Variants in CSMD1 observed in about 807,000 individuals in gnomAD.
The protein encoded by CSMD1 is CUB and sushi domain-containing protein 1.
A neutral mutation model predicts 417.5 loss-of-function variants in CSMD1; 213 were observed. That is an observed-to-expected ratio of 0.51 (90% CI 0.46 to 0.57). The LOEUF is 0.57. CSMD1 is among the 20% of genes least tolerant of loss of function. The probability of loss-of-function intolerance (pLI) is 0.00; values close to 1 mark genes in which losing one functional copy is unlikely to be tolerated. For missense variants in CSMD1, 6,923 were observed against 4,529.7 expected (o/e 1.53, Z -15.17); for synonymous variants, 2,862 against 1,736.8 (o/e 1.65, Z -16.11).
chr8:3,691,242 C>T (rs2129032822), intron 7 of CSMD1, among the ~76,000 whole-genome samples: 1 of 152,132 alleles, frequency 6.6e-6, no homozygotes, highest in South Asian at 2.1e-4. Flanking sequence ...GTAACAGGCA[C>T]CTGTAATCCC....
chr8:3,267,585 G>A (rs533089084), intron 26 of CSMD1, among the ~76,000 whole-genome samples: 4 of 152,318 alleles, frequency 2.6e-5, no homozygotes, highest in African/African-American at 7.2e-5. Context: ...ACACTGGTAA[G>A]AGACTTTGAG....
intron 1 of CSMD1, among the ~76,000 whole-genome samples, chr8:4,709,378 C>A (rs1808148343): frequency 6.6e-6 from 1 of 152,080 alleles, no homozygotes; most frequent in Admixed American, 6.5e-5. Context: ...TTGTGTGCAG[C>A]AATTTGGAGC....
At chr8:4,115,969 TTTATTTATTTATTTATTTA>T (rs1240885856) in intron 3 of CSMD1, among the ~76,000 whole-genome samples, 1 of 626 alleles carries the variant, frequency 1.6e-3, no homozygotes, top group Admixed American at 0.015. Flanking sequence ...CATTATTTTA[TTTATTTATTTATTTATTTA>T]TTTATTTATT....
intron 33 of CSMD1, among the ~76,000 whole-genome samples, chr8:3,197,510 G>C (rs1796766553): frequency 6.9e-6 from 1 of 145,136 alleles, no homozygotes; most frequent in Non-Finnish European, 1.5e-5. Flanking sequence ...CTGTCACCCA[G>C]GCTGGAGTGC....
chr8:4,165,788 G>C (rs1246937101), intron 3 of CSMD1, among the ~76,000 whole-genome samples: 4 of 152,188 alleles, frequency 2.6e-5, no homozygotes, highest in Non-Finnish European at 1.5e-5. Context: ...CTCACGTGTT[G>C]TCACTCCAGC....
chr8:4,160,909 T>C (rs1041775132), intron 3 of CSMD1, among the ~76,000 whole-genome samples: 65 of 152,188 alleles, frequency 4.3e-4, no homozygotes, highest in African/African-American at 1.5e-3. Flanking sequence ...GCTGAACAAG[T>C]GGTTTAATAT....
chr8:3,452,635 G>A (rs1815816195), intron 12 of CSMD1, among the ~76,000 whole-genome samples: 1 of 152,168 alleles, frequency 6.6e-6, no homozygotes, highest in Non-Finnish European at 1.5e-5. Flanking sequence ...ATTTGGGTAT[G>A]TTGAATCAGC....
chr8:3,676,558 C>G (rs79702589), intron 7 of CSMD1, among the ~76,000 whole-genome samples: 2 of 152,156 alleles, frequency 1.3e-5, no homozygotes, highest in African/African-American at 4.8e-5. Context: ...CACATGTTCT[C>G]CCTTACCATT....
intron 10 of CSMD1, among the ~76,000 whole-genome samples, chr8:3,574,279 C>A (rs148570541): frequency 1.3e-5 from 2 of 152,192 alleles, no homozygotes; most frequent in Non-Finnish European, 2.9e-5. Context: ...CTTGCTCTGT[C>A]GCCCAGGCTG....
intron 1 of CSMD1, among the ~76,000 whole-genome samples, chr8:4,725,687 G>C (rs370185879): frequency 2.6e-5 from 4 of 152,178 alleles, no homozygotes; most frequent in South Asian, 4.2e-4. Flanking sequence ...CCTTGCTTTT[G>C]GCATCTTGAA....
chr8:4,668,230 G>T (rs954427454), intron 1 of CSMD1, among the ~76,000 whole-genome samples: 1 of 151,840 alleles, frequency 6.6e-6, no homozygotes, highest in African/African-American at 2.4e-5. Flanking sequence ...TGATAATGGG[G>T]CATTCCGTTG....
At chr8:4,053,436 T>C (rs191439324) in intron 3 of CSMD1, among the ~76,000 whole-genome samples, 1 of 152,104 alleles carries the variant, frequency 6.6e-6, no homozygotes, top group Non-Finnish European at 1.5e-5. Flanking sequence ...CTTTTTATCA[T>C]GGTCTCGGTG....
chr8:3,735,944 G>T (rs577621045), intron 6 of CSMD1, among the ~76,000 whole-genome samples: 2 of 152,110 alleles, frequency 1.3e-5, no homozygotes, highest in South Asian at 4.2e-4. Context: ...GCTAGGGAAA[G>T]AAAATAAACA....
At chr8:3,186,166 G>A (rs1344165056) in intron 36 of CSMD1, among the ~76,000 whole-genome samples, 3 of 151,512 alleles carry the variant, frequency 2.0e-5, no homozygotes, top group Non-Finnish European at 2.9e-5. Context: ...TTTAACTTGT[G>A]TTGTTGTTGT....
chr8:3,128,260 C>T (rs188815125), intron 41 of CSMD1: 2 of 152,338 alleles, frequency 1.3e-5, no homozygotes, highest in East Asian at 3.9e-4. Flanking sequence ...TGTCTATTTT[C>T]CCGCTAATAT....
chr8:3,925,082 C>T (rs191118210), intron 5 of CSMD1, among the ~76,000 whole-genome samples: 14 of 152,274 alleles, frequency 9.2e-5, no homozygotes, highest in African/African-American at 3.4e-4. Flanking sequence ...ATGCCTGCCC[C>T]ACTTCTCTTA....
chr8:3,762,719 G>A (rs1798078563), intron 5 of CSMD1, among the ~76,000 whole-genome samples: 1 of 152,224 alleles, frequency 6.6e-6, no homozygotes, highest in African/African-American at 2.4e-5. Flanking sequence ...CTGCAAAGAT[G>A]GTCGGGGGGA....
chr8:3,668,851 A>T (rs951253457), intron 7 of CSMD1, among the ~76,000 whole-genome samples: 1 of 152,182 alleles, frequency 6.6e-6, no homozygotes, highest in Admixed American at 6.6e-5. Flanking sequence ...CAATTATAGA[A>T]TTATATTGCT....
intron 5 of CSMD1, among the ~76,000 whole-genome samples, chr8:3,840,225 G>C (rs1423975621): frequency 6.7e-6 from 1 of 150,294 alleles, no homozygotes; most frequent in African/African-American, 2.4e-5. Context: ...TTGAACCTTT[G>C]AAAAAAAAAG....
Sources: allele counts gnomAD v4.1 joint callset (sites outside exome capture counted in the v4.1 genomes callset), GRCh38; gene constraint gnomAD v4.1.1; transcripts MANE v1.5; gene names NCBI Gene and HGNC (gene_info 2026-07-23, HGNC 2026-07-21).